Variants in CBX1 observed in about 807,000 individuals in gnomAD.
CBX1 encodes chromobox 1.
In CBX1, 10 loss-of-function variants were observed where a neutral mutation model predicts 25.1. The observed-to-expected ratio is 0.40, with a 90% CI of 0.25 to 0.68. CBX1 has a LOEUF of 0.68. Among genes scored for constraint, CBX1 ranks in the 30% least tolerant of loss-of-function variants. The probability of loss-of-function intolerance (pLI) is 0.40; values close to 1 mark genes in which losing one functional copy is unlikely to be tolerated. For missense variants in CBX1, 106 were observed against 218.5 expected, an observed-to-expected ratio of 0.49 and a Z score of 3.25; for synonymous variants, 63 against 79.4, an observed-to-expected ratio of 0.79 and a Z score of 1.10.
At chr17:48,078,641 C>T (rs917471256) in intron 1 of CBX1, among the ~76,000 whole-genome samples, 11 of 147,936 alleles carry the variant, frequency 7.4e-5, no homozygotes, top group Non-Finnish European at 1.3e-4. Context: ...AGGTGCCCGC[C>T]ATTACGCCTG....
In CBX1 at chr17:48,075,055, T is replaced by C; in HGVS notation, c.364A>G (p.Ile122Val). Residue 122 changes from isoleucine (I) to valine (V), a missense_variant, in exon 4 of 5, where the codon ATT becomes GTT. Transcript: ENST00000225603. ...CCACTGGAGTCTGTAGCTCCAATAA[T>C]CCGCTCCGGCTCCAAACCTCGAGCA... ...GFARGLEPER[I>V]IGATDSSGEL... The C allele has an allele frequency of 6.2e-7, 1 of 1,614,114 alleles. No homozygotes were observed.
intron 1 of CBX1, 36 bp downstream of exon 1, chr17:48,101,232 C>T (rs2063408541): frequency 1.0e-6 from 1 of 989,660 alleles, no homozygotes; most frequent in Non-Finnish European, 1.2e-6. Context: ...GCCGCGCCCC[C>T]TCCCCCAGCT....
intron 4 of CBX1, among the ~76,000 whole-genome samples, chr17:48,073,839 AAAAAAAG>A (rs2037650136): frequency 6.6e-6 from 1 of 151,394 alleles, no homozygotes; most frequent in Non-Finnish European, 1.5e-5. Flanking sequence ...AAAAAAAAAA[AAAAAAAG>A]ACAGTAGTGA....
At chr17:48,074,968 G>GA (rs753983784) in intron 4 of CBX1, 38 bp downstream of exon 4, 132 of 1,419,466 alleles carry the variant, frequency 9.3e-5, no homozygotes, top group Non-Finnish European at 1.1e-4. Flanking sequence ...AATGGGAGAA[G>GA]AAAAAAAACA....
intron 1 of CBX1, among the ~76,000 whole-genome samples, chr17:48,098,756 G>A (rs991755553): frequency 1.3e-5 from 2 of 152,186 alleles, no homozygotes; most frequent in African/African-American, 2.4e-5. Flanking sequence ...GAAACTCTTC[G>A]TGGAAAGAAC....
rs900328875 is a variant in CBX1 at position 48,070,845 on chromosome 17, A to G, written c.*590T>C. On this transcript the variant is annotated 3_prime_UTR_variant, in exon 5 of 5. Coordinates refer to ENST00000225603, the MANE Select transcript of CBX1 (RefSeq NM_001127228.2). ...CTCACAGTCCTTATTTATGGTGCCA[A>G]TGACATTTTTTTAAAGGTAAAATAT... is the stretch of plus-strand genomic sequence containing the variant. 6.5e-6 allele frequency: 1 copy of G among 152,674 alleles called. No individual in the cohort carries two copies. Among genetic ancestry groups the G allele is most frequent in the Non-Finnish European group, 1.5e-5 (1 of 68,084 alleles). The allele number at this position is 152,674 out of a possible 1,614,324, so 9.5% of individuals were successfully genotyped here.
chr17:48,082,868 T>C (rs2037752685), intron 1 of CBX1, among the ~76,000 whole-genome samples: 1 of 74,718 alleles, frequency 1.3e-5, no homozygotes, highest in South Asian at 3.6e-4. Flanking sequence ...CACAATTATC[T>C]TTTTTTTTTT....
At chr17:48,078,971 G>A (rs1184688998) in intron 1 of CBX1, among the ~76,000 whole-genome samples, 1 of 139,120 alleles carries the variant, frequency 7.2e-6, no homozygotes, top group Non-Finnish European at 1.5e-5. Flanking sequence ...TGTATTTTTA[G>A]CAGAGACAGG....
chr17:48,094,906 G>T (rs1162637240), intron 1 of CBX1, among the ~76,000 whole-genome samples: 3 of 151,882 alleles, frequency 2.0e-5, no homozygotes, highest in African/African-American at 4.8e-5. Flanking sequence ...AATTAGCCAG[G>T]TGTGGTGGTG....
intron 1 of CBX1, chr17:48,100,877 G>T: frequency 1.0e-6 from 1 of 985,600 alleles, no homozygotes; most frequent in Non-Finnish European, 1.2e-6. Flanking sequence ...TACAAACCTC[G>T]GGTTGTGCGG....
chr17:48,081,851 C>T (rs935531444), intron 1 of CBX1, among the ~76,000 whole-genome samples: 3 of 152,216 alleles, frequency 2.0e-5, no homozygotes, highest in Admixed American at 6.5e-5. Flanking sequence ...CCCAGAGCAT[C>T]TACATCCAGA....
At chr17:48,096,341 T>G in intron 1 of CBX1, 1 of 985,262 alleles carries the variant, frequency 1.0e-6, no homozygotes, top group Non-Finnish European at 1.2e-6. Context: ...GATTTTTGGG[T>G]TGAGAGGCCA....
chr17:48,075,564 G>A (rs2037667525), intron 3 of CBX1, among the ~76,000 whole-genome samples: 1 of 152,100 alleles, frequency 6.6e-6, no homozygotes, highest in Non-Finnish European at 1.5e-5. Flanking sequence ...GAATCCTTTG[G>A]AGTGATTATT....
chr17:48,080,306 G>A (rs2037718004), intron 1 of CBX1, among the ~76,000 whole-genome samples: 1 of 152,124 alleles, frequency 6.6e-6, no homozygotes, highest in Non-Finnish European at 1.5e-5. Flanking sequence ...CAAAACTCTG[G>A]AATTAACAGG....
intron 1 of CBX1, among the ~76,000 whole-genome samples, chr17:48,084,697 T>C (rs1598309672): frequency 6.7e-6 from 1 of 148,964 alleles, no homozygotes; most frequent in South Asian, 2.1e-4. Flanking sequence ...GATCATGAGG[T>C]CAGGAGATCG....
chr17:48,089,011 G>A lies in CBX1; in HGVS notation c.-37-11970C>T, dbSNP rs976378291. Among the ~76,000 whole-genome samples, 3 of 151,086 alleles carry A rather than the reference G, an allele frequency of 2.0e-5. No homozygotes were observed. In the South Asian group the frequency reaches 6.3e-4, roughly 31 times the overall value. On this transcript the variant is annotated intron_variant, in intron 1 of 4. Coordinates refer to ENST00000225603, the MANE Select transcript of CBX1 (RefSeq NM_001127228.2). ...AACAAAACAAAAAACCCCAAAACTT[G>A]TTTATAGTATCCCAAGGAATCCAGG...
At chr17:48,077,400 G>A (rs1418374757) in intron 1 of CBX1, among the ~76,000 whole-genome samples, 1 of 150,950 alleles carries the variant, frequency 6.6e-6, no homozygotes, top group Non-Finnish European at 1.5e-5. Flanking sequence ...TGGGACTACA[G>A]GCGTGTGCCA....
intron 1 of CBX1, among the ~76,000 whole-genome samples, chr17:48,097,574 G>A (rs1385084648): frequency 6.7e-6 from 1 of 148,580 alleles, no homozygotes; most frequent in Non-Finnish European, 1.5e-5. Context: ...CTGAGATCGC[G>A]CCACTGCACT....
chr17:48,101,469 C>A lies in CBX1; in HGVS notation c.-239G>T. 1.0e-6 allele frequency: 1 copy of A among 985,670 alleles called. No homozygotes were observed. The highest frequency in any genetic ancestry group is 1.7e-5 in the African/African-American group (1 of 57,374). The allele number at this position is 985,670 out of a possible 1,614,324, so 61.1% of individuals were successfully genotyped here. A position where few individuals can be genotyped will look rare whatever the true frequency, so the allele number is the denominator to read the frequency against. ...AAAGAGCCTCGCAGTCTGCGCTGCC[C>A]GCCGCTCGCACCGCGCAGGCGCAAC... On this transcript the variant is annotated 5_prime_UTR_variant, in exon 1 of 5. Coordinates refer to ENST00000225603, the MANE Select transcript of CBX1 (RefSeq NM_001127228.2).
Sources: allele counts gnomAD v4.1 joint callset (sites outside exome capture counted in the v4.1 genomes callset), GRCh38; gene constraint gnomAD v4.1.1; transcripts MANE v1.5; gene names NCBI Gene and HGNC (gene_info 2026-07-23, HGNC 2026-07-21).